Variants in CRCP observed in about 807,000 individuals in gnomAD.
CRCP encodes DNA-directed RNA polymerase III subunit RPC9.
Under a neutral mutation model 18.5 loss-of-function variants are expected in CRCP, and 18 were observed. The observed-to-expected ratio is 0.97, with a 90% CI of 0.67 to 1.44. The LOEUF is 1.44. Among genes scored for constraint, CRCP ranks in the 40% most tolerant of loss-of-function variants. The pLI is 0.00. For synonymous variants in CRCP, 53 were observed against 62.9 expected (o/e 0.84, Z 0.75); for missense variants, 130 against 176.4 (o/e 0.74, Z 1.49).
At position 66,136,947 on chromosome 7, in the gene CRCP, C is replaced by T. The variant is rs369578273; in HGVS notation, c.239+2573C>T. Among the ~76,000 whole-genome samples the T allele has an allele frequency of 9.3e-5, 14 of 151,228 alleles. No homozygotes were observed. In the East Asian group the frequency reaches 9.9e-4, roughly 11 times the overall value. On this transcript the variant is annotated intron_variant, in intron 4 of 5. Transcript: ENST00000395326. ...ACAAAAAATTAGCCGGGTGTGGTGA[C>T]GGGGGCGCCTGTAGTCCCAGCTACT...
chr7:66,142,342 C>T (rs368930898), intron 4 of CRCP, among the ~76,000 whole-genome samples: 2 of 152,194 alleles, frequency 1.3e-5, no homozygotes, highest in African/African-American at 4.8e-5. Context: ...CTCCCTCCTT[C>T]GGCTGGAGCT....
rs1787658577 is a variant in CRCP, at chr7:66,127,751, T to C, written c.45+11T>C. The C allele has an allele frequency of 6.2e-7, 1 of 1,613,536 alleles. No individual in the cohort carries two copies. Among genetic ancestry groups the C allele is most frequent in the Non-Finnish European group, 8.5e-7 (1 of 1,179,654 alleles). On this transcript the variant is annotated intron_variant, in intron 2 of 5. Transcript: ENST00000395326. ...CTCAGTAACTACGAGGTAAATTGGA[T>C]TGTTACATTTTCCTCTCTGATAGTT...
intron 4 of CRCP, among the ~76,000 whole-genome samples, chr7:66,143,326 T>G: frequency 6.6e-6 from 1 of 152,186 alleles, no homozygotes; most frequent in East Asian, 1.9e-4. Context: ...CCTTGATTGC[T>G]CTCCTATATT....
In CRCP at chr7:66,138,792, C is replaced by CAAAA. The variant is rs35447994; in HGVS notation, c.239+4430_239+4433dup. On this transcript the variant is annotated intron_variant, in intron 4 of 5. Transcript: ENST00000395326. ...TGGGGGACAGAGCGAGACTCCGTCTCAAAAAAAAAAAAAAATTTAAATAAA... is the reference window on the plus strand; with the variant it reads ...TGGGGGACAGAGCGAGACTCCGTCTCAAAAAAAAAAAAAAAAAAATTTAAATAAA... Among the ~76,000 whole-genome samples the CAAAA allele has an allele frequency of 3.2e-3, 421 of 131,372 alleles. 3 individuals are homozygous for CAAAA. The highest frequency in any genetic ancestry group is 9.7e-3 in the African/African-American group (335 of 34,512). 86.2% of individuals were successfully genotyped at this position (131,372 alleles called of 152,430 possible).
intron 4 of CRCP, among the ~76,000 whole-genome samples, chr7:66,143,665 A>G (rs1032866441): frequency 2.0e-5 from 3 of 152,222 alleles, no homozygotes; most frequent in South Asian, 2.1e-4. Context: ...AACTATCGTG[A>G]GACAGATGGC....
intron 1 of CRCP, 123 bp from the exon 2 acceptor site, chr7:66,127,581 T>C (rs1164483171): frequency 1.9e-6 from 2 of 1,041,850 alleles, no homozygotes; most frequent in Admixed American, 2.1e-5. Context: ...GTTTCAATTT[T>C]AGGTTGTAGT....
intron 5 of CRCP, among the ~76,000 whole-genome samples, chr7:66,146,715 C>A (rs1182974464): frequency 1.3e-5 from 2 of 152,168 alleles, no homozygotes; most frequent in Non-Finnish European, 2.9e-5. Flanking sequence ...TAGAACAGTT[C>A]CTTTCATGAA....
chr7:66,128,125 A>AG (rs1554332793), intron 2 of CRCP, among the ~76,000 whole-genome samples: 91 of 151,724 alleles, frequency 6.0e-4, no homozygotes, highest in African/African-American at 1.9e-3. Flanking sequence ...AAAAAAAAAA[A>AG]AAAGAAAGAA....
At chr7:66,150,435 A>G (rs952013267) in intron 5 of CRCP, among the ~76,000 whole-genome samples, 1 of 151,802 alleles carries the variant, frequency 6.6e-6, no homozygotes. Flanking sequence ...GAAAATGGTC[A>G]TTTTATTTCA....
At chr7:66,116,868 C>T (rs536820109) in intron 1 of CRCP, among the ~76,000 whole-genome samples, 9 of 152,242 alleles carry the variant, frequency 5.9e-5, no homozygotes, top group South Asian at 2.1e-4. Flanking sequence ...TGCCTATAAT[C>T]GCAGCACTTT....
At chr7:66,141,899 T>C (rs528170295) in intron 4 of CRCP, among the ~76,000 whole-genome samples, 4 of 152,132 alleles carry the variant, frequency 2.6e-5, no homozygotes, top group African/African-American at 9.6e-5. Flanking sequence ...GACTGGAGTG[T>C]GGAGTGCATG....
At chr7:66,137,619 G>C (rs1011926842) in intron 4 of CRCP, among the ~76,000 whole-genome samples, 25 of 152,216 alleles carry the variant, frequency 1.6e-4, no homozygotes, top group African/African-American at 6.0e-4. Context: ...AGGAAGTTCA[G>C]ATTGCTGAGA....
intron 4 of CRCP, among the ~76,000 whole-genome samples, chr7:66,144,077 G>A (rs1788218479): frequency 6.6e-6 from 1 of 152,168 alleles, no homozygotes; most frequent in Non-Finnish European, 1.5e-5. Context: ...AGATGGATAT[G>A]CAGCCCCAGG....
At chr7:66,121,515 A>G (rs1787442197) in intron 1 of CRCP, among the ~76,000 whole-genome samples, 2 of 150,498 alleles carry the variant, frequency 1.3e-5, no homozygotes, top group Non-Finnish European at 2.9e-5. Context: ...GCTAGAGTGC[A>G]GTGGTGCAAT....
chr7:66,126,911 T>G (rs1473009594), intron 1 of CRCP, among the ~76,000 whole-genome samples: 1 of 127,406 alleles, frequency 7.8e-6, no homozygotes, highest in Non-Finnish European at 1.9e-5. Flanking sequence ...GTAACTTGCC[T>G]AGATTCACAT....
At chr7:66,151,683 G>C (rs757647529) in intron 5 of CRCP, among the ~76,000 whole-genome samples, 47,132 of 140,358 alleles carry the variant, frequency 0.34, 8,210 homozygotes, top group Admixed American at 0.4. Flanking sequence ...CTGTGTGTGT[G>C]TGTGTGTGTG....
In CRCP at chr7:66,139,142, T is replaced by G. The variant is rs576783107; in HGVS notation, c.239+4768T>G. Among the ~76,000 whole-genome samples, 5 of 152,186 alleles carry G rather than the reference T, an allele frequency of 3.3e-5. No individual in the cohort carries two copies. In the East Asian group the frequency reaches 5.8e-4, roughly 18 times the overall value. ...TTCCTGTCTCTTTTTTTAGTAGAGA[T>G]AAGGTTTCACTCTGTTGCCCAAGCT... On this transcript the variant is annotated intron_variant, in intron 4 of 5. Coordinates refer to ENST00000395326, the MANE Select transcript of CRCP (RefSeq NM_014478.5).
intron 1 of CRCP, among the ~76,000 whole-genome samples, chr7:66,116,636 C>T (rs914913308): frequency 5.3e-5 from 8 of 152,086 alleles, no homozygotes; most frequent in African/African-American, 9.7e-5. Flanking sequence ...AGAGCATTTC[C>T]TGTGAGCATA....
intron 1 of CRCP, among the ~76,000 whole-genome samples, chr7:66,117,532 C>T (rs139750504): frequency 6.6e-6 from 1 of 152,248 alleles, no homozygotes; most frequent in African/African-American, 2.4e-5. Context: ...CTGTTGTTTC[C>T]ACCCTAGAAT....
Sources: allele counts gnomAD v4.1 joint callset (sites outside exome capture counted in the v4.1 genomes callset), GRCh38; gene constraint gnomAD v4.1.1; transcripts MANE v1.5; gene names NCBI Gene and HGNC (gene_info 2026-07-23, HGNC 2026-07-21).